The following DPP6 variants were observed in gnomAD, a reference collection of about 807,000 sequenced individuals.
DPP6 encodes A-type potassium channel modulatory protein DPP6.
A neutral mutation model predicts 122.6 loss-of-function variants in DPP6; 69 were observed. The ratio of observed to expected loss-of-function variants is 0.56; its 90% CI spans 0.46 to 0.69. DPP6 has a LOEUF of 0.69. Among genes scored for constraint, DPP6 ranks in the 30% least tolerant of loss-of-function variants. The pLI is 0.00. For missense variants in DPP6, 928 were observed against 1,116.9 expected (o/e 0.83, Z 2.41); for synonymous variants, 418 against 433.1 (o/e 0.97, Z 0.43).
intron 1 of DPP6, among the ~76,000 whole-genome samples, chr7:154,391,701 C>G (rs147169721): frequency 7.9e-5 from 12 of 152,302 alleles, no homozygotes; most frequent in Non-Finnish European, 1.5e-4. Flanking sequence ...GCTATAGATG[C>G]TTATCAGCAA....
intron 1 of DPP6, among the ~76,000 whole-genome samples, chr7:154,090,740 G>T (rs3852274): frequency 0.056 from 8,313 of 149,034 alleles, 475 homozygotes; most frequent in African/African-American, 0.14. Context: ...CCAATCCTTG[G>T]CTTTTACTCA....
chr7:154,854,453 G>A lies in DPP6; in HGVS notation c.1714+626G>A, dbSNP rs560718290. On this transcript the variant is annotated intron_variant, in intron 17 of 25. Transcript: ENST00000377770. ...CTAAGAGAAGGCATCAGTGGGAGGC[G>A]ATTTTTGCTAAGCTGACCTCACAAG... Among the ~76,000 whole-genome samples, 7 of 151,960 alleles carry A rather than the reference G, an allele frequency of 4.6e-5. No individual in the cohort carries two copies. The South Asian group carries it at 6.2e-4, about 14-fold the overall frequency.
intron 10 of DPP6, among the ~76,000 whole-genome samples, chr7:154,778,440 C>T (rs1001513070): frequency 6.6e-6 from 1 of 152,042 alleles, no homozygotes; most frequent in Non-Finnish European, 1.5e-5. Context: ...TCAGCCTTCT[C>T]TCTTTCCAAT....
intron 6 of DPP6, among the ~76,000 whole-genome samples, chr7:154,664,512 T>C (rs577200288): frequency 2.0e-5 from 3 of 152,260 alleles, no homozygotes; most frequent in South Asian, 4.1e-4. Context: ...TAAACACAGG[T>C]CAAGTGAATT....
chr7:154,886,018 G>A (rs936575660), intron 22 of DPP6, among the ~76,000 whole-genome samples: 1 of 152,238 alleles, frequency 6.6e-6, no homozygotes, highest in Non-Finnish European at 1.5e-5. Flanking sequence ...GTACTCCGCT[G>A]GCAGCAGTGG....
intron 1 of DPP6, among the ~76,000 whole-genome samples, chr7:154,006,582 G>A (rs547919389): frequency 1.2e-3 from 187 of 152,274 alleles, no homozygotes; most frequent in African/African-American, 4.4e-3. Flanking sequence ...CTGAGGCTGC[G>A]TGGCCCGAGT....
At chr7:154,002,217 T>C (rs1449008906) in intron 1 of DPP6, among the ~76,000 whole-genome samples, 3 of 151,944 alleles carry the variant, frequency 2.0e-5, no homozygotes, top group Admixed American at 2.0e-4. Context: ...TCTTTTCATG[T>C]CATGCGTATT....
the DPP6 span, among the ~76,000 whole-genome samples, chr7:153,857,903 A>T: frequency 6.6e-6 from 1 of 152,196 alleles, no homozygotes; most frequent in African/African-American, 2.4e-5. Flanking sequence ...AATGAAGAAC[A>T]GGTTGAAGAA....
Position 154,241,185 on chromosome 7 carries a change from A to ATGCGTGTG in DPP6, c.243+188124_243+188125insCGTGTGTG, listed in dbSNP as rs34454400. 0.15 allele frequency among the ~76,000 whole-genome samples: 20,098 copies of ATGCGTGTG among 136,010 alleles called. 1,658 individuals are homozygous for ATGCGTGTG. Among genetic ancestry groups the ATGCGTGTG allele is most frequent in the Non-Finnish European group, 0.17 (10,847 of 63,874 alleles). 89.2% of individuals were successfully genotyped at this position (136,010 alleles called of 152,430 possible). A position where few individuals can be genotyped will look rare whatever the true frequency, so the allele number is the denominator to read the frequency against. On this transcript the variant is annotated intron_variant, in intron 1 of 25. Transcript: ENST00000377770. This position sits in a 1 kb window ranked among gnomAD's most constrained non-coding sequence, Gnocchi z 9.0. ...GCACAGTAGGTAATTCAATATCAATATGTGTGTGTGTGTGTGTGTGTGTGT... is the reference window on the plus strand; with the variant it reads ...GCACAGTAGGTAATTCAATATCAATATGCGTGTGTGTGTGTGTGTGTGTGTGTGTGTGT...
In DPP6 at chr7:154,877,162, T is replaced by C. The variant is rs544353838; in HGVS notation, c.2078+1062T>C. ...TCATTTTGAAAAAGATTGACGGCCCTGGTATGTACTCAGCGAATGGTCTTT... is the reference window on the plus strand; with the variant it reads ...TCATTTTGAAAAAGATTGACGGCCCCGGTATGTACTCAGCGAATGGTCTTT... On this transcript the variant is annotated intron_variant, in intron 20 of 25. Transcript: ENST00000377770. This position sits in a 1 kb window ranked among gnomAD's most constrained non-coding sequence, Gnocchi z 5.2. 6.6e-6 allele frequency: 1 copy of C among 152,330 alleles called. No individual in the cohort carries two copies. The highest frequency in any genetic ancestry group is 1.9e-4 in the East Asian group (1 of 5,182). The allele number at this position is 152,330 out of a possible 1,614,324, so 9.4% of individuals were successfully genotyped here.
chr7:154,695,067 G>T (rs1840140590), intron 7 of DPP6, among the ~76,000 whole-genome samples: 1 of 152,188 alleles, frequency 6.6e-6, no homozygotes, highest in African/African-American at 2.4e-5. Flanking sequence ...GACCCCGTGG[G>T]TGGGTCAGCA....
chr7:154,212,843 AC>A (rs959259983), intron 1 of DPP6, among the ~76,000 whole-genome samples: 1 of 152,186 alleles, frequency 6.6e-6, no homozygotes, highest in African/African-American at 2.4e-5. Context: ...TGAGGAGCAC[AC>A]AGGTGGGGTA....
intron 5 of DPP6, among the ~76,000 whole-genome samples, chr7:154,634,635 C>T (rs1017188964): frequency 2.1e-5 from 3 of 145,746 alleles, no homozygotes; most frequent in Non-Finnish European, 4.7e-5. Flanking sequence ...TCCTCCTCCT[C>T]CTCTTCTTCC....
the DPP6 span, among the ~76,000 whole-genome samples, chr7:153,771,129 A>C: frequency 6.6e-6 from 1 of 152,226 alleles, no homozygotes; most frequent in African/African-American, 2.4e-5. Context: ...GAGAAGTTCA[A>C]GAATACTCTA....
chr7:154,764,738 TCTC>T (rs1260483370), intron 8 of DPP6, among the ~76,000 whole-genome samples: 1 of 152,140 alleles, frequency 6.6e-6, no homozygotes, highest in Non-Finnish European at 1.5e-5. Flanking sequence ...AAGTTGCAGT[TCTC>T]CTTCTGTTTA....
At chr7:154,804,844 G>T in intron 14 of DPP6, 73 bp from the exon 15 acceptor site, 1 of 1,553,514 alleles carries the variant, frequency 6.4e-7, no homozygotes, top group Non-Finnish European at 8.7e-7. Context: ...GTCCATAGAG[G>T]TAGTGCCAGG....
upstream of DPP6, among the ~76,000 whole-genome samples, chr7:154,051,300 C>T: frequency 8.6e-6 from 1 of 116,510 alleles, no homozygotes; most frequent in Non-Finnish European, 1.9e-5. Flanking sequence ...CACGTTCACT[C>T]TCTGGATGTG....
chr7:154,808,976 G>A (rs1340045238), intron 16 of DPP6, among the ~76,000 whole-genome samples: 2 of 152,200 alleles, frequency 1.3e-5, no homozygotes, highest in Non-Finnish European at 2.9e-5. Context: ...GAGGTCATTT[G>A]CCAGAGGGGC....
intron 16 of DPP6, among the ~76,000 whole-genome samples, chr7:154,840,639 G>A (rs570579557): frequency 6.6e-5 from 10 of 152,304 alleles, no homozygotes; most frequent in Non-Finnish European, 8.8e-5. Context: ...CTGTTTTTAC[G>A]TTCCAGACTC....
Sources: allele counts gnomAD v4.1 joint callset (sites outside exome capture counted in the v4.1 genomes callset), GRCh38; gene constraint gnomAD v4.1.1; non-coding constraint Gnocchi (gnomAD v3.1); transcripts MANE v1.5; gene names NCBI Gene and HGNC (gene_info 2026-07-23, HGNC 2026-07-21).